The following HTRA1 variants were observed in gnomAD, a reference collection of about 807,000 sequenced individuals.
HTRA1 encodes HtrA serine peptidase 1.
HTRA1 carries 26 observed loss-of-function variants against 49.7 expected under a neutral mutation model. That is an observed-to-expected ratio of 0.52 (90% CI 0.38 to 0.73). HTRA1 has a LOEUF of 0.73. HTRA1 is among the 30% of genes least tolerant of loss of function. The pLI is 0.00. For synonymous variants in HTRA1, 291 were observed against 286.9 expected (o/e 1.01, Z -0.14); for missense variants, 561 against 667.2 (o/e 0.84, Z 1.75).
Position 122,464,325 on chromosome 10 carries a change from G to C in HTRA1, c.472+2201G>C, listed in dbSNP as rs937921530. Among the ~76,000 whole-genome samples, 1 of 152,112 alleles carries C rather than the reference G, an allele frequency of 6.6e-6. No individual in the cohort carries two copies. Among genetic ancestry groups the C allele is most frequent in the Non-Finnish European group, 1.5e-5 (1 of 68,026 alleles). ...GAAAACAGGTCCCCCATTGGCCATC[G>C]GGCTCACAGCGGGCCCCCGGTGTAC... On this transcript the variant is annotated intron_variant, in intron 1 of 8. Transcript: ENST00000368984. The surrounding 1 kb of genome is among the most constrained non-coding windows in gnomAD (Gnocchi z 4.8).
intron 1 of HTRA1, among the ~76,000 whole-genome samples, chr10:122,479,262 C>A (rs141516449): frequency 6.6e-6 from 1 of 152,002 alleles, no homozygotes; most frequent in Non-Finnish European, 1.5e-5. Flanking sequence ...GTGTGGGCTG[C>A]GGGGGGCTGG....
intron 1 of HTRA1, among the ~76,000 whole-genome samples, chr10:122,467,970 C>T (rs187719198): frequency 2.6e-5 from 4 of 152,190 alleles, no homozygotes; most frequent in Non-Finnish European, 4.4e-5. Flanking sequence ...TAAGTGGCTG[C>T]GAAGAGGCAT....
chr10:122,478,336 A>G (rs1440755957), intron 1 of HTRA1, among the ~76,000 whole-genome samples: 1 of 150,376 alleles, frequency 6.6e-6, no homozygotes, highest in Non-Finnish European at 1.5e-5. Context: ...GCCTCCCTGC[A>G]GGTGGGGGAC....
At chr10:122,483,139 C>T (rs1004968218) in intron 1 of HTRA1, among the ~76,000 whole-genome samples, 4 of 152,164 alleles carry the variant, frequency 2.6e-5, no homozygotes, top group African/African-American at 9.6e-5. Flanking sequence ...AGCTTATCTA[C>T]ACTGCCTACG....
Position 122,461,794 on chromosome 10 carries a change from C to G in HTRA1, c.142C>G (p.Pro48Ala). Residue 48 changes from proline to alanine, a missense_variant, in exon 1 of 9, where the codon CCG becomes GCG. Around this residue, in one of 3 missense-constraint regions of HTRA1, gnomAD observed 111 missense variants for 83.7 expected, o/e 1.33. Coordinates refer to ENST00000368984, the MANE Select transcript of HTRA1 (RefSeq NM_002775.5). Reference sequence around the variant, plus strand: ...CCGCTGCGAGCCGGCGCGCTGCCCGCCGCAGCCGGAGCACTGCGAGGGCGG... The same window carrying G: ...CCGCTGCGAGCCGGCGCGCTGCCCGGCGCAGCCGGAGCACTGCGAGGGCGG... ...PDRCEPARCP[P>A]QPEHCEGGRA... 4 of 1,054,044 alleles carry G rather than the reference C, an allele frequency of 3.8e-6. No individual in the cohort carries two copies. The highest frequency in any genetic ancestry group is 4.6e-6 in the Non-Finnish European group (4 of 876,724). 65.3% of individuals were successfully genotyped at this position (1,054,044 alleles called of 1,614,324 possible).
chr10:122,474,430 C>T (rs916881248), intron 1 of HTRA1, among the ~76,000 whole-genome samples: 1 of 152,182 alleles, frequency 6.6e-6, no homozygotes, highest in South Asian at 2.1e-4. Flanking sequence ...CCATCACCTC[C>T]CTCCCTCACG....
At chr10:122,509,141 G>A (rs1394441271) in intron 6 of HTRA1, among the ~76,000 whole-genome samples, 8 of 152,266 alleles carry the variant, frequency 5.3e-5, no homozygotes, top group Admixed American at 3.3e-4. Context: ...TTCTGCAAAC[G>A]TTTATTGCCC....
rs1429059351 is a variant in HTRA1, at chr10:122,461,646, A to G, written c.-7A>G. On this transcript the variant is annotated 5_prime_UTR_variant, in exon 1 of 9. Coordinates refer to ENST00000368984, the MANE Select transcript of HTRA1 (RefSeq NM_002775.5). Reference sequence around the variant, plus strand: ...CCGCCGCCACCGCCGCCGCCGCCAGAGTCGCCATGCAGATCCCGCGCGCCG... The same window carrying G: ...CCGCCGCCACCGCCGCCGCCGCCAGGGTCGCCATGCAGATCCCGCGCGCCG... 3 of 1,305,434 alleles carry G rather than the reference A, an allele frequency of 2.3e-6. No individual in the cohort carries two copies. The highest frequency in any genetic ancestry group is 2.8e-5 in the Admixed American group (1 of 36,146). The allele number at this position is 1,305,434 out of a possible 1,614,324, so 80.9% of individuals were successfully genotyped here.
intron 3 of HTRA1, among the ~76,000 whole-genome samples, chr10:122,496,583 A>AT (rs1242819681): frequency 6.6e-6 from 1 of 152,136 alleles, no homozygotes; most frequent in African/African-American, 2.4e-5. Context: ...AAATATGGCG[A>AT]TAAGTACAGT....
At chr10:122,513,561 T>C (rs1282570390) in intron 8 of HTRA1, among the ~76,000 whole-genome samples, 1 of 131,610 alleles carries the variant, frequency 7.6e-6, no homozygotes, top group Non-Finnish European at 1.5e-5. Context: ...CTCAGGAGGC[T>C]GAAGCAGAAG....
At chr10:122,485,469 C>T (rs192299562) in intron 1 of HTRA1, among the ~76,000 whole-genome samples, 1 of 152,312 alleles carries the variant, frequency 6.6e-6, no homozygotes, top group East Asian at 1.9e-4. Context: ...GAGGAAGAGA[C>T]AGGGACATAG....
Position 122,469,222 on chromosome 10 carries a change from G to GT in HTRA1, c.472+7107dup, listed in dbSNP as rs3831805. 5.2e-4 allele frequency among the ~76,000 whole-genome samples: 79 copies of GT among 151,178 alleles called. No homozygotes were observed. The East Asian group carries it at 0.011, about 22-fold the overall frequency. On this transcript the variant is annotated intron_variant, in intron 1 of 8. Coordinates refer to ENST00000368984, the MANE Select transcript of HTRA1 (RefSeq NM_002775.5). ...GGTAGGCCTATCTCTGTGATGAGCTGTTTTTTTTTCTCAAAGTTTGATGAG... is the reference window on the plus strand; with the variant it reads ...GGTAGGCCTATCTCTGTGATGAGCTGTTTTTTTTTTCTCAAAGTTTGATGAG...
intron 8 of HTRA1, among the ~76,000 whole-genome samples, chr10:122,513,599 T>C (rs550547106): frequency 5.5e-5 from 6 of 109,428 alleles, no homozygotes; most frequent in Non-Finnish European, 6.6e-5. Flanking sequence ...AGTTCGAGAC[T>C]AGCTTGGGCA....
chr10:122,472,996 A>G (rs2097486832), intron 1 of HTRA1, among the ~76,000 whole-genome samples: 1 of 152,226 alleles, frequency 6.6e-6, no homozygotes, highest in African/African-American at 2.4e-5. Flanking sequence ...ACTGAAAGAA[A>G]TTCTCCCAAA....
At position 122,510,579 on chromosome 10, in the gene HTRA1, G is replaced by A. The variant is rs138115307; in HGVS notation, c.1178+426G>A. Among the ~76,000 whole-genome samples the A allele has an allele frequency of 2.7e-4, 41 of 152,288 alleles. No individual in the cohort carries two copies. The Middle Eastern group carries it at 0.01, about 38-fold the overall frequency. Reference sequence around the variant, plus strand: ...CGTTGCTCTGCAGCTCGTGGGCCGCGGCTCCAGGAATGCCAGGGCAGGTCC... The same window carrying A: ...CGTTGCTCTGCAGCTCGTGGGCCGCAGCTCCAGGAATGCCAGGGCAGGTCC... On this transcript the variant is annotated intron_variant, in intron 7 of 8. Coordinates refer to ENST00000368984, the MANE Select transcript of HTRA1 (RefSeq NM_002775.5).
chr10:122,502,420 T>C (rs1028867986), intron 3 of HTRA1, among the ~76,000 whole-genome samples: 1 of 152,230 alleles, frequency 6.6e-6, no homozygotes, highest in Non-Finnish European at 1.5e-5. Flanking sequence ...ATCCTGCCTA[T>C]GGCTAGGACT....
At chr10:122,508,616 G>A (rs778317467) in intron 5 of HTRA1, 40 bp from the exon 6 acceptor site, 1 of 1,295,248 alleles carries the variant, frequency 7.7e-7, no homozygotes. Context: ...TGCCGGTAAA[G>A]CTTCACGATT....
chr10:122,493,340 G>A (rs1231773859), intron 3 of HTRA1, among the ~76,000 whole-genome samples: 1 of 152,250 alleles, frequency 6.6e-6, no homozygotes, highest in Admixed American at 6.5e-5. Context: ...GCTGCAGAAA[G>A]TCGGGACAGT....
chr10:122,461,759 G>C lies in HTRA1; in HGVS notation c.107G>C (p.Gly36Ala), dbSNP rs1444535840. 6 of 1,106,008 alleles carry C rather than the reference G, an allele frequency of 5.4e-6. No individual in the cohort carries two copies. The highest frequency in any genetic ancestry group is 4.4e-6 in the Non-Finnish European group (4 of 906,070). The allele number at this position is 1,106,008 out of a possible 1,614,324, so 68.5% of individuals were successfully genotyped here. A position where few individuals can be genotyped will look rare whatever the true frequency, so the allele number is the denominator to read the frequency against. Residue 36 changes from glycine (G) to alanine (A), a missense_variant, in exon 1 of 9, where the codon GGG becomes GCG. Coordinates refer to ENST00000368984, the MANE Select transcript of HTRA1 (RefSeq NM_002775.5). ...GGCCGCTCGGCGCCTTTGGCCGCCG[G>C]GTGCCCAGACCGCTGCGAGCCGGCG... ...RAGRSAPLAA[G>A]CPDRCEPARC...
Sources: gnomAD v4.1 joint callset for allele counts (sites outside exome capture counted in the v4.1 genomes callset) on GRCh38, gnomAD v4.1.1 for gene constraint, gnomAD v4.1.1 regional missense constraint, Gnocchi (gnomAD v3.1) non-coding constraint, MANE v1.5 for transcripts, NCBI Gene and HGNC (gene_info 2026-07-23, HGNC 2026-07-21) for gene names.